ABLIM2: variants seen among roughly 807,000 people sequenced by gnomAD.
The protein encoded by ABLIM2 is actin binding LIM protein family member 2.
A neutral mutation model predicts 97.7 loss-of-function variants in ABLIM2; 53 were observed. The observed-to-expected ratio is 0.54, with a 90% CI of 0.44 to 0.68. The LOEUF is 0.68. Among genes scored for constraint, ABLIM2 ranks in the 30% least tolerant of loss-of-function variants. The pLI is 0.00. For missense variants in ABLIM2, 835 were observed against 867.2 expected, an observed-to-expected ratio of 0.96 and a Z score of 0.47; for synonymous variants, 361 against 345.8, an observed-to-expected ratio of 1.04 and a Z score of -0.49.
chr4:8,042,755 C>T (rs57521485), intron 9 of ABLIM2, among the ~76,000 whole-genome samples: 44,250 of 150,196 alleles, frequency 0.29, 7,206 homozygotes, highest in African/African-American at 0.42. Context: ...AGGAGAATCG[C>T]TTGAACCCAG....
chr4:8,065,855 C>T (rs755246049), intron 6 of ABLIM2, among the ~76,000 whole-genome samples: 6 of 150,604 alleles, frequency 4.0e-5, no homozygotes, highest in South Asian at 2.1e-4. Context: ...ACTTGGGAGG[C>T]GGAGGTTGCA....
rs543751837 is a variant in ABLIM2 at position 8,032,719 on chromosome 4, G to T, written c.1048-2943C>A. The T allele has an allele frequency of 6.2e-7, 1 of 1,611,402 alleles. No individual in the cohort carries two copies. Among genetic ancestry groups the T allele is most frequent in the East Asian group, 2.2e-5 (1 of 44,862 alleles). On this transcript the variant is annotated intron_variant, in intron 10 of 20. Transcript: ENST00000447017. This position sits in a 1 kb window ranked among gnomAD's most constrained non-coding sequence, Gnocchi z 4.3. The stretch of plus-strand genomic sequence containing the variant: ...ACACAAAGTGGCCATTAGTGCTGGC[G>T]CCAGGCAGAGAGGGAGGAGGGCAGT...
In ABLIM2 at chr4:8,088,182, G is replaced by A. The variant is rs774905865; in HGVS notation, c.441C>T (p.Ser147=). The change falls in exon 4 of 21, where the codon TCC becomes TCT. Residue 147 remains serine (S), a synonymous_variant. Transcript: ENST00000447017. ...PVSVGSSAHL[S]QGLRSCGGCG... ...GCGCCCACTTACTTCGGAGGCCCTG[G>A]GACAGGTGCGCGCTGCTGCCCACCG... 2 of 1,608,308 alleles carry A rather than the reference G, an allele frequency of 1.2e-6. No individual in the cohort carries two copies. The highest frequency in any genetic ancestry group is 2.2e-5 in the South Asian group (2 of 90,616).
intron 2 of ABLIM2, among the ~76,000 whole-genome samples, chr4:8,098,273 C>T (rs1832726834): frequency 6.6e-6 from 1 of 152,226 alleles, no homozygotes; most frequent in African/African-American, 2.4e-5. Flanking sequence ...AGCTTACAGC[C>T]ACCAAGGAAG....
In ABLIM2 at chr4:8,036,260, G is replaced by A. The variant is rs1195933290; in HGVS notation, c.936C>T (p.Asp312=). The A allele has an allele frequency of 6.2e-7, 1 of 1,613,788 alleles. No homozygotes were observed. Among genetic ancestry groups the A allele is most frequent in the Admixed American group, 1.7e-5 (1 of 60,002 alleles). ...CCTTACTTTTAGGAAGGGCTGCCAA[G>A]TCCCTGTAGTCCAGGATCTCACCAC... ...KLGGEILDYR[D]LAALPKSKAI... is the part of the protein sequence containing the mutation. The change falls in exon 10 of 21, where the codon GAC becomes GAT. Residue 312 remains aspartate (D), a synonymous_variant. Coordinates refer to ENST00000447017, the MANE Select transcript of ABLIM2 (RefSeq NM_001130083.2).
intron 13 of ABLIM2, 77 bp downstream of exon 13, chr4:8,020,125 T>C: frequency 7.3e-7 from 1 of 1,372,962 alleles, no homozygotes. Context: ...CAAGGCAAGC[T>C]GACAGTTTGG....
At chr4:7,981,371 G>T (rs184599654) in intron 20 of ABLIM2, among the ~76,000 whole-genome samples, 1 of 152,082 alleles carries the variant, frequency 6.6e-6, no homozygotes, top group African/African-American at 2.4e-5. Context: ...CCCCCACCTC[G>T]AGTTGTCCCA....
rs1278212190 is a variant in ABLIM2, at chr4:8,029,584, A to C, written c.1168+72T>G. 2.3e-5 allele frequency: 29 copies of C among 1,270,936 alleles called. No homozygotes were observed. The East Asian group carries it at 4.8e-4, about 21-fold the overall frequency. The allele number at this position is 1,270,936 out of a possible 1,614,324, so 78.7% of individuals were successfully genotyped here. On this transcript the variant is annotated intron_variant, in intron 11 of 20. Coordinates refer to ENST00000447017, the MANE Select transcript of ABLIM2 (RefSeq NM_001130083.2). Reference sequence around the variant, plus strand: ...ATGCCACTTATAACCGAAAAAAAAAACTAAAAAAAAAAAAAAAAAAAAGGA... The same window carrying C: ...ATGCCACTTATAACCGAAAAAAAAACCTAAAAAAAAAAAAAAAAAAAAGGA...
intron 17 of ABLIM2, among the ~76,000 whole-genome samples, chr4:7,990,232 C>T (rs1455058967): frequency 6.6e-6 from 1 of 152,124 alleles, no homozygotes; most frequent in Non-Finnish European, 1.5e-5. Flanking sequence ...TGAAGTCTCG[C>T]TCTGTCACCC....
In ABLIM2 at chr4:8,106,498, A is replaced by G. The variant is rs1837481479; in HGVS notation, c.150T>C (p.Cys50=). The G allele has an allele frequency of 4.4e-6, 7 of 1,594,646 alleles. No homozygotes were observed. The highest frequency in any genetic ancestry group is 6.0e-6 in the Non-Finnish European group (7 of 1,170,766). ...AGGGGACCGGGGGACACTCACCTTTACAGACGAAGCACTTGATGTGGAAGT... is the reference window on the plus strand; with the variant it reads ...AGGGGACCGGGGGACACTCACCTTTGCAGACGAAGCACTTGATGTGGAAGT... ...DKYFHIKCFV[C]KACGCDLAEG... The change falls in exon 2 of 21, where the codon TGT becomes TGC. Residue 50 remains cysteine, a synonymous_variant. Transcript: ENST00000447017.
At chr4:8,031,145 G>C (rs1780664779) in intron 10 of ABLIM2, among the ~76,000 whole-genome samples, 1 of 152,244 alleles carries the variant, frequency 6.6e-6, no homozygotes, top group Admixed American at 6.5e-5. Flanking sequence ...AAGGAAGCAG[G>C]CAAGTCCCAG....
chr4:8,049,691 C>T (rs533973466), intron 8 of ABLIM2, among the ~76,000 whole-genome samples: 3 of 152,342 alleles, frequency 2.0e-5, no homozygotes, highest in South Asian at 2.1e-4. Flanking sequence ...TTCCTTTCTA[C>T]AGATATTAAC....
intron 5 of ABLIM2, among the ~76,000 whole-genome samples, chr4:8,079,104 G>A (rs935478375): frequency 2.0e-5 from 3 of 152,202 alleles, no homozygotes; most frequent in Non-Finnish European, 2.9e-5. Flanking sequence ...CTCTGGCTGC[G>A]GCCTGGAAGT....
chr4:8,054,315 C>T lies in ABLIM2; in HGVS notation c.764-69G>A, dbSNP rs886777377. The T allele has an allele frequency of 3.8e-5, 58 of 1,543,040 alleles. No individual in the cohort carries two copies. The Admixed American group carries it at 4.4e-4, about 12-fold the overall frequency. ...CATGTTGCAGGGGCCTGTGTGGAAACGCAGAGGAGGGAGCTGGTCCATGCA... is the reference window on the plus strand; with the variant it reads ...CATGTTGCAGGGGCCTGTGTGGAAATGCAGAGGAGGGAGCTGGTCCATGCA... On this transcript the variant is annotated intron_variant, in intron 7 of 20. Transcript: ENST00000447017. The surrounding 1 kb of genome is among the most constrained non-coding windows in gnomAD (Gnocchi z 4.9).
rs1181701066 is a variant in ABLIM2, at chr4:8,021,246, T to C, written c.1268-943A>G. On this transcript the variant is annotated intron_variant, in intron 12 of 20. Coordinates refer to ENST00000447017, the MANE Select transcript of ABLIM2 (RefSeq NM_001130083.2). The surrounding 1 kb of genome is among the most constrained non-coding windows in gnomAD (Gnocchi z 5.5). ...TTGCTGAGCTCACCTGGAACTATAA[T>C]TCTGTTTTGCGAACAAGGTTGGATT... 6.6e-6 allele frequency among the ~76,000 whole-genome samples: 1 copy of C among 152,122 alleles called. No homozygotes were observed. The highest frequency in any genetic ancestry group is 2.4e-5 in the African/African-American group (1 of 41,408).
At chr4:8,089,712 C>A (rs1266655616) in intron 3 of ABLIM2, among the ~76,000 whole-genome samples, 5 of 121,676 alleles carry the variant, frequency 4.1e-5, no homozygotes, top group Non-Finnish European at 6.4e-5. Flanking sequence ...CCAGGCTGGG[C>A]CAAAGAGTGA....
intron 1 of ABLIM2, among the ~76,000 whole-genome samples, chr4:8,133,650 C>T (rs1289882426): frequency 1.3e-5 from 2 of 152,222 alleles, no homozygotes; most frequent in Non-Finnish European, 2.9e-5. Context: ...CCTCGCCCCT[C>T]ACCCCTCTGT....
At chr4:7,983,800 G>C (rs572281374) in intron 18 of ABLIM2, among the ~76,000 whole-genome samples, 1 of 152,250 alleles carries the variant, frequency 6.6e-6, no homozygotes, top group African/African-American at 2.4e-5. Flanking sequence ...GCTGGAAGCC[G>C]GAGGGCGGCA....
At chr4:8,146,485 G>C (rs780248002) in intron 1 of ABLIM2, among the ~76,000 whole-genome samples, 1 of 152,228 alleles carries the variant, frequency 6.6e-6, no homozygotes, top group African/African-American at 2.4e-5. Context: ...TTAGCGTGCA[G>C]AGCAGTCATT....
Sources: gnomAD v4.1 joint callset for allele counts (sites outside exome capture counted in the v4.1 genomes callset) on GRCh38, gnomAD v4.1.1 for gene constraint, Gnocchi (gnomAD v3.1) non-coding constraint, MANE v1.5 for transcripts, NCBI Gene and HGNC (gene_info 2026-07-23, HGNC 2026-07-21) for gene names.